The following EHBP1 variants were observed in gnomAD, a reference collection of about 807,000 sequenced individuals.
The protein encoded by EHBP1 is EH domain binding protein 1, also known as EH domain-binding protein 1.
A neutral mutation model predicts 144.0 loss-of-function variants in EHBP1; 55 were observed. The ratio of observed to expected loss-of-function variants is 0.38; its 90% CI spans 0.31 to 0.48. The LOEUF (loss-of-function observed/expected upper bound fraction) is 0.48, where lower values mean the gene tolerates loss of function less well. Ranked by LOEUF, EHBP1 falls within the 20% of genes least tolerant of loss-of-function variation. The pLI is 0.98. For synonymous variants in EHBP1, 469 were observed against 472.7 expected (o/e 0.99, Z 0.10); for missense variants, 1,200 against 1,364.2 (o/e 0.88, Z 1.90).
intron 10 of EHBP1, among the ~76,000 whole-genome samples, chr2:62,883,143 C>T (rs889224585): frequency 2.6e-5 from 4 of 152,096 alleles, no homozygotes; most frequent in African/African-American, 9.7e-5. Flanking sequence ...AGTGACACTG[C>T]CAGGATTAAA....
chr2:62,842,092 G>A (rs2047931286), intron 7 of EHBP1, among the ~76,000 whole-genome samples: 1 of 151,340 alleles, frequency 6.6e-6, no homozygotes, highest in Admixed American at 6.6e-5. Context: ...CTCCCTCAAA[G>A]CCTTTTTTTT....
intron 2 of EHBP1, among the ~76,000 whole-genome samples, chr2:62,710,751 C>T (rs146257478): frequency 1.1e-4 from 17 of 152,120 alleles, no homozygotes; most frequent in Non-Finnish European, 2.5e-4. Context: ...ACTCTTTAAT[C>T]TGATGTTCCA....
chr2:62,780,139 C>T (rs1266193518), intron 5 of EHBP1, among the ~76,000 whole-genome samples: 5 of 151,900 alleles, frequency 3.3e-5, no homozygotes, highest in African/African-American at 9.7e-5. Flanking sequence ...TTAGGCTGCA[C>T]ATTCAATATT....
chr2:62,793,821 A>G (rs1217438718), intron 5 of EHBP1, among the ~76,000 whole-genome samples: 3 of 152,144 alleles, frequency 2.0e-5, no homozygotes, highest in African/African-American at 4.8e-5. Context: ...ATTTAACTCC[A>G]ATAGAAATAA....
At chr2:62,721,882 C>T (rs1014883314) in intron 2 of EHBP1, among the ~76,000 whole-genome samples, 2 of 151,946 alleles carry the variant, frequency 1.3e-5, no homozygotes, top group Non-Finnish European at 2.9e-5. Flanking sequence ...TTAAAAATAA[C>T]CCTATTTTTA....
chr2:62,807,794 G>T (rs1828395), intron 5 of EHBP1, among the ~76,000 whole-genome samples: 5 of 152,232 alleles, frequency 3.3e-5, no homozygotes, highest in Admixed American at 3.3e-4. Flanking sequence ...CAGAATTCTA[G>T]GTTGGTAGGC....
At chr2:62,958,896 TG>T (rs1372519086) in intron 14 of EHBP1, among the ~76,000 whole-genome samples, 2 of 152,230 alleles carry the variant, frequency 1.3e-5, no homozygotes, top group Non-Finnish European at 2.9e-5. Context: ...AACATTTTAT[TG>T]TGGTAAGAAC....
intron 10 of EHBP1, among the ~76,000 whole-genome samples, chr2:62,933,717 G>A (rs910997988): frequency 1.3e-5 from 2 of 152,146 alleles, no homozygotes; most frequent in African/African-American, 2.4e-5. Context: ...TGAAATGTTG[G>A]CAAAGTTCCA....
At chr2:62,873,945 A>G (rs1219868500) in intron 9 of EHBP1, among the ~76,000 whole-genome samples, 1 of 152,208 alleles carries the variant, frequency 6.6e-6, no homozygotes, top group Non-Finnish European at 1.5e-5. Context: ...TTAACATAGA[A>G]GAAAAGATGA....
At chr2:62,863,889 C>T (rs1181913946) in intron 8 of EHBP1, among the ~76,000 whole-genome samples, 1 of 129,174 alleles carries the variant, frequency 7.7e-6, no homozygotes, top group Non-Finnish European at 1.6e-5. Flanking sequence ...CTCTGTTGCC[C>T]AGACTATAGT....
chr2:62,952,169 AT>A (rs1035979767), intron 13 of EHBP1, among the ~76,000 whole-genome samples: 1 of 152,168 alleles, frequency 6.6e-6, no homozygotes, highest in African/African-American at 2.4e-5. Context: ...CTTATTCAGA[AT>A]TTTTCTTGGG....
intron 10 of EHBP1, among the ~76,000 whole-genome samples, chr2:62,907,577 A>G (rs2053901725): frequency 6.6e-6 from 1 of 152,144 alleles, no homozygotes. Flanking sequence ...CTGCTTGAGA[A>G]AGGAAGCCAG....
At chr2:62,677,454 A>G (rs1464684570) in intron 1 of EHBP1, among the ~76,000 whole-genome samples, 1 of 152,142 alleles carries the variant, frequency 6.6e-6, no homozygotes, top group Non-Finnish European at 1.5e-5. Context: ...CGTTGGGTAA[A>G]TGTGTCCACC....
chr2:62,939,391 A>T (rs1403890273), intron 10 of EHBP1, among the ~76,000 whole-genome samples: 1 of 152,106 alleles, frequency 6.6e-6, no homozygotes. Flanking sequence ...CTCCTGCCTC[A>T]GCCTCCCTAG....
intron 10 of EHBP1, among the ~76,000 whole-genome samples, chr2:62,914,957 C>T (rs1483971788): frequency 6.6e-6 from 1 of 151,894 alleles, no homozygotes; most frequent in African/African-American, 2.4e-5. Flanking sequence ...ATAAAATGGC[C>T]TAAGTATTGC....
At chr2:62,681,846 T>C (rs1271097077) in intron 1 of EHBP1, among the ~76,000 whole-genome samples, 2 of 152,026 alleles carry the variant, frequency 1.3e-5, no homozygotes, top group Non-Finnish European at 2.9e-5. Context: ...AGAGAAAAAG[T>C]GTGATGGAAA....
At chr2:62,676,635 G>A (rs960167234) in intron 1 of EHBP1, among the ~76,000 whole-genome samples, 6 of 151,862 alleles carry the variant, frequency 4.0e-5, no homozygotes, top group Non-Finnish European at 4.4e-5. Flanking sequence ...CATTATTTTC[G>A]TTTTCTAGGG....
chr2:62,838,766 A>G (rs1315410993), intron 7 of EHBP1, among the ~76,000 whole-genome samples: 2 of 150,202 alleles, frequency 1.3e-5, no homozygotes, highest in Admixed American at 6.6e-5. Context: ...TCCTCGACAC[A>G]TACACTCTCC....
At chr2:62,870,575 G>A (rs1355120245) in intron 9 of EHBP1, among the ~76,000 whole-genome samples, 1 of 151,766 alleles carries the variant, frequency 6.6e-6, no homozygotes, top group African/African-American at 2.4e-5. Flanking sequence ...AATTAGCTGG[G>A]TGTAGTGGCA....
Sources: allele counts gnomAD v4.1 joint callset (sites outside exome capture counted in the v4.1 genomes callset), GRCh38; gene constraint gnomAD v4.1.1; transcripts MANE v1.5; gene names NCBI Gene and HGNC (gene_info 2026-07-23, HGNC 2026-07-21).